PTK2B: variants seen among roughly 807,000 people sequenced by gnomAD.
PTK2B encodes protein tyrosine kinase 2 beta.
A neutral mutation model predicts 142.9 loss-of-function variants in PTK2B; 71 were observed. That is an observed-to-expected ratio of 0.50 (90% confidence interval 0.41 to 0.61). The LOEUF (loss-of-function observed/expected upper bound fraction) is 0.61. Ranked by LOEUF, PTK2B falls within the 20% of genes least tolerant of loss-of-function variation. The pLI, the probability that PTK2B is intolerant of heterozygous loss-of-function variation, is 0.00. For synonymous variants in PTK2B, 519 were observed against 503.4 expected (o/e 1.03, Z -0.42); for missense variants, 1,105 against 1,320.4 (o/e 0.84, Z 2.53).
At position 27,454,696 on chromosome 8, in the gene PTK2B, G is replaced by C. The variant is rs1812041196; in HGVS notation, c.2814+85G>C. Reference sequence around the variant, plus strand: ...CATTAGAGGCTCATGATGGCTGCCTGGGCAACCTCATGTCTGTCCACTGAG... The same window carrying C: ...CATTAGAGGCTCATGATGGCTGCCTCGGCAACCTCATGTCTGTCCACTGAG... On this transcript the variant is annotated intron_variant, in intron 30 of 30. Coordinates refer to ENST00000346049, the MANE Select transcript of PTK2B (RefSeq NM_173176.3). 5 of 1,395,932 alleles carry C rather than the reference G, an allele frequency of 3.6e-6. No homozygotes were observed. In the South Asian group the frequency reaches 4.8e-5, roughly 13 times the overall value. The allele number at this position is 1,395,932 out of a possible 1,614,324, so 86.5% of individuals were successfully genotyped here. A position where few individuals can be genotyped will look rare whatever the true frequency, so the allele number is the denominator to read the frequency against.
chr8:27,379,844 G>A (rs1321314970), intron 1 of PTK2B, among the ~76,000 whole-genome samples: 4 of 152,114 alleles, frequency 2.6e-5, no homozygotes, highest in East Asian at 1.9e-4. Flanking sequence ...GGGCTCAAGC[G>A]ATTCTCCCAC....
In PTK2B at chr8:27,353,551, T is replaced by G. The variant is rs138417149; in HGVS notation, c.-38+27870T>G. ...AACTCATTCACTCATGCATGCTCGCTCTCTCTCTAACACACACACACATTG... is the reference window on the plus strand; with the variant it reads ...AACTCATTCACTCATGCATGCTCGCGCTCTCTCTAACACACACACACATTG... On this transcript the variant is annotated intron_variant, in intron 1 of 30. Coordinates refer to ENST00000346049, the MANE Select transcript of PTK2B (RefSeq NM_173176.3). 2.0e-3 allele frequency among the ~76,000 whole-genome samples: 257 copies of G among 129,856 alleles called. 1 individual carries two copies. Among genetic ancestry groups the G allele is most frequent in the African/African-American group, 5.8e-3 (229 of 39,254 alleles). 85.2% of individuals were successfully genotyped at this position (129,856 alleles called of 152,430 possible). A position where few individuals can be genotyped will look rare whatever the true frequency, so the allele number is the denominator to read the frequency against.
intron 3 of PTK2B, among the ~76,000 whole-genome samples, chr8:27,316,383 A>G (rs1178004137): frequency 2.0e-5 from 3 of 152,190 alleles, no homozygotes; most frequent in Admixed American, 6.5e-5. Flanking sequence ...GCAAGACTCA[A>G]CTATATGCTG....
At chr8:27,313,027 C>T (rs1173442575) in intron 2 of PTK2B, among the ~76,000 whole-genome samples, 1 of 152,180 alleles carries the variant, frequency 6.6e-6, no homozygotes, top group Non-Finnish European at 1.5e-5. Context: ...CAAATCTCAT[C>T]TTGAATTGTA....
rs1810311948 is a variant in PTK2B at position 27,430,077 on chromosome 8, C to T, written c.552-16C>T. On this transcript the variant is annotated splice_polypyrimidine_tract_variant and intron_variant, in intron 5 of 30. Transcript: ENST00000346049. ...CTCCAGCCTTCAGCCTCCCTCTCCA[C>T]CACCTATTTCTCCAGGCGGTTCTTC... The T allele has an allele frequency of 1.2e-6, 2 of 1,611,674 alleles. No homozygotes were observed. Among genetic ancestry groups the T allele is most frequent in the African/African-American group, 1.3e-5 (1 of 74,992 alleles).
At chr8:27,438,491 G>A (rs902275729) in intron 18 of PTK2B, among the ~76,000 whole-genome samples, 25 of 5,480 alleles carry the variant, frequency 4.6e-3, no homozygotes, top group Admixed American at 0.022. Flanking sequence ...GCTCTCATGC[G>A]ATCCTGGTAT....
At chr8:27,328,640 G>A (rs954647837) in intron 1 of PTK2B, among the ~76,000 whole-genome samples, 4 of 152,172 alleles carry the variant, frequency 2.6e-5, no homozygotes, top group East Asian at 1.9e-4. Flanking sequence ...CTGATGAAAC[G>A]TTCAAATGAG....
Position 27,437,164 on chromosome 8 carries a change from G to C in PTK2B, c.1384G>C (p.Asp462His). Residue 462 changes from aspartate to histidine, a missense_variant, in exon 16 of 31, where the codon GAC (aspartate) becomes CAC (histidine). Transcript: ENST00000346049. ...INVAVKTCKK[D>H]CTLDNKEKFM... The stretch of plus-strand genomic sequence containing the variant: ...TGTAGCTGTCAAGACCTGCAAGAAA[G>C]ACTGCACTCTGGACAACAAGGAGAA... 6.2e-7 allele frequency: 1 copy of C among 1,614,120 alleles called. No individual in the cohort carries two copies. The highest frequency in any genetic ancestry group is 8.5e-7 in the Non-Finnish European group (1 of 1,180,014).
chr8:27,412,602 G>C (rs1009200059), intron 2 of PTK2B, among the ~76,000 whole-genome samples: 1 of 152,024 alleles, frequency 6.6e-6, no homozygotes, highest in East Asian at 1.9e-4. Flanking sequence ...CCCAGCACCA[G>C]GCACCTCCCA....
upstream of PTK2B, among the ~76,000 whole-genome samples, chr8:27,321,372 A>T (rs1488518969): frequency 6.6e-6 from 1 of 152,116 alleles, no homozygotes; most frequent in Non-Finnish European, 1.5e-5. Context: ...CCAAATATAT[A>T]TTTCTTATTA....
In PTK2B at chr8:27,389,142, CT is replaced by C. The variant is rs201394508; in HGVS notation, c.-37-8400del. 6.1e-3 allele frequency among the ~76,000 whole-genome samples: 930 copies of C among 152,116 alleles called. 11 individuals carry two copies. Among genetic ancestry groups the C allele is most frequent in the African/African-American group, 0.022 (901 of 41,432 alleles). ...TTTTGTGTGTTTTGTTCCGTTTTAT[CT>C]TTTTTCTTTTTACTGGATTATGATC... On this transcript the variant is annotated intron_variant, in intron 1 of 30. Coordinates refer to ENST00000346049, the MANE Select transcript of PTK2B (RefSeq NM_173176.3).
rs1232947794 is a variant in PTK2B, at chr8:27,432,257, C to T, written c.886-3C>T. The T allele has an allele frequency of 1.2e-5, 20 of 1,613,740 alleles. No individual in the cohort carries two copies. The highest frequency in any genetic ancestry group is 1.6e-5 in the Non-Finnish European group (19 of 1,179,932). On this transcript the variant is annotated splice_region_variant and splice_polypyrimidine_tract_variant and intron_variant, in intron 9 of 30. Transcript: ENST00000346049. ...TCTGAAGCTCCCCCTTCTTTTCCCA[C>T]AGCCCACCTGCCTGGCCGAGTTCAA...
At chr8:27,410,746 A>C (rs1048109684) in intron 2 of PTK2B, among the ~76,000 whole-genome samples, 1 of 152,206 alleles carries the variant, frequency 6.6e-6, no homozygotes, top group East Asian at 1.9e-4. Flanking sequence ...TTGGAAGTAG[A>C]TTATCCAGAG....
chr8:27,415,622 C>T (rs932828220), intron 2 of PTK2B, among the ~76,000 whole-genome samples: 7 of 152,212 alleles, frequency 4.6e-5, no homozygotes, highest in Non-Finnish European at 8.8e-5. Context: ...CCTGAGAGAA[C>T]TTTCCAGTCT....
chr8:27,435,650 C>T, intron 13 of PTK2B, 93 bp from the exon 14 acceptor site: 1 of 1,478,382 alleles, frequency 6.8e-7, no homozygotes, highest in Non-Finnish European at 9.4e-7. Flanking sequence ...CCTTGGGCTC[C>T]ACTGGCCTCC....
At chr8:27,376,915 C>T (rs1806706522) in intron 1 of PTK2B, among the ~76,000 whole-genome samples, 1 of 152,180 alleles carries the variant, frequency 6.6e-6, no homozygotes, top group Non-Finnish European at 1.5e-5. Flanking sequence ...AATAAACTTG[C>T]TTTCACTTTA....
intron 1 of PTK2B, among the ~76,000 whole-genome samples, chr8:27,330,881 CTTT>C (rs1479431940): frequency 6.6e-6 from 1 of 152,170 alleles, no homozygotes; most frequent in African/African-American, 2.4e-5. Context: ...GGCCTCTTAC[CTTT>C]TCCCAGCACT....
intron 1 of PTK2B, among the ~76,000 whole-genome samples, chr8:27,373,779 C>A (rs1015444131): frequency 6.6e-6 from 1 of 151,912 alleles, no homozygotes; most frequent in African/African-American, 2.4e-5. Flanking sequence ...CTTTTCAGGG[C>A]AGGGTGTCTT....
intron 1 of PTK2B, among the ~76,000 whole-genome samples, chr8:27,348,300 C>T (rs754693901): frequency 2.0e-5 from 3 of 152,320 alleles, no homozygotes; most frequent in South Asian, 2.1e-4. Flanking sequence ...TGTTTCCAGC[C>T]GTGCGGGAGT....
Sources: gnomAD v4.1 joint callset for allele counts (sites outside exome capture counted in the v4.1 genomes callset) on GRCh38, gnomAD v4.1.1 for gene constraint, MANE v1.5 for transcripts, NCBI Gene and HGNC (gene_info 2026-07-23, HGNC 2026-07-21) for gene names.